Variants in SLC27A1 observed in about 807,000 individuals in gnomAD.
SLC27A1 encodes solute carrier family 27 member 1.
A neutral mutation model predicts 62.2 loss-of-function variants in SLC27A1; 61 were observed. The observed-to-expected ratio is 0.98, with a 90% CI of 0.80 to 1.21. The LOEUF is 1.21. Among genes scored for constraint, SLC27A1 ranks in the 50% most tolerant of loss-of-function variants. The pLI, the probability that SLC27A1 is intolerant of heterozygous loss-of-function variation, is 0.00. For synonymous variants in SLC27A1, 435 were observed against 408.6 expected (o/e 1.06, Z -0.78); for missense variants, 903 against 932.1 (o/e 0.97, Z 0.41).
In SLC27A1 at chr19:17,504,634, A is replaced by C. The variant is rs781162579; in HGVS notation, c.*22A>C. The C allele has an allele frequency of 6.2e-7, 1 of 1,613,816 alleles. No individual in the cohort carries two copies. Among genetic ancestry groups the C allele is most frequent in the East Asian group, 2.2e-5 (1 of 44,874 alleles). On this transcript the variant is annotated 3_prime_UTR_variant, in exon 12 of 12. Coordinates refer to ENST00000252595, the MANE Select transcript of SLC27A1 (RefSeq NM_198580.3). ...CTGAAGCTGTTCCTCTACTGGCCACAAACTCTGGGCCTGGTGGGAGAGGCC... is the reference window on the plus strand; with the variant it reads ...CTGAAGCTGTTCCTCTACTGGCCACCAACTCTGGGCCTGGTGGGAGAGGCC...
chr19:17,506,115 G>A lies in SLC27A1; in HGVS notation c.*1503G>A, dbSNP rs1452647490. On this transcript the variant is annotated 3_prime_UTR_variant, in exon 12 of 12. Coordinates refer to ENST00000252595, the MANE Select transcript of SLC27A1 (RefSeq NM_198580.3). ...CGTGGCGTCTCATGTGAACTTTCCT[G>A]GGCACTGTGGTTTTATTTCCTAATT... 6.6e-6 allele frequency: 1 copy of A among 152,180 alleles called. No individual in the cohort carries two copies. The highest frequency in any genetic ancestry group is 1.5e-5 in the Non-Finnish European group (1 of 68,038). The allele number at this position is 152,180 out of a possible 1,614,324, so 9.4% of individuals were successfully genotyped here.
chr19:17,497,597 G>A (rs1336933445), intron 7 of SLC27A1, 133 bp downstream of exon 7: 3 of 781,070 alleles, frequency 3.8e-6, no homozygotes, highest in African/African-American at 1.7e-5. Flanking sequence ...CACGCAGGGC[G>A]GGGTGTAAGG....
rs551376748 is a variant in SLC27A1, at chr19:17,501,511, T to C, written c.1783+92T>C. The C allele has an allele frequency of 2.4e-5, 36 of 1,511,778 alleles. No individual in the cohort carries two copies. The Admixed American group carries it at 3.2e-4, about 14-fold the overall frequency. 93.6% of individuals were successfully genotyped at this position (1,511,778 alleles called of 1,614,324 possible). ...TCCATTTTGTGTTGCTCTAAAAGAA[T>C]ACCTGGCCGGGGCCAGGCACGGTGG... On this transcript the variant is annotated intron_variant, in intron 11 of 11. Coordinates refer to ENST00000252595, the MANE Select transcript of SLC27A1 (RefSeq NM_198580.3).
Position 17,488,357 on chromosome 19 carries a change from C to CA in SLC27A1, c.795-484dup, listed in dbSNP as rs201351859. The stretch of plus-strand genomic sequence containing the variant: ...TGGATGATACAGCAAGACTCCCTCT[C>CA]AAAAAAAGAAACAAATAACAAACAA... On this transcript the variant is annotated intron_variant, in intron 4 of 11. Coordinates refer to ENST00000252595, the MANE Select transcript of SLC27A1 (RefSeq NM_198580.3). Among the ~76,000 whole-genome samples, 1,004 of 152,230 alleles carry CA rather than the reference C, an allele frequency of 6.6e-3. 13 individuals carry two copies. The highest frequency in any genetic ancestry group is 0.023 in the African/African-American group (954 of 41,542).
In SLC27A1 at chr19:17,486,769, T is replaced by G; in HGVS notation, c.374T>G (p.Phe125Cys). The G allele has an allele frequency of 1.2e-6, 2 of 1,606,798 alleles. No homozygotes were observed. Among genetic ancestry groups the G allele is most frequent in the Non-Finnish European group, 1.7e-6 (2 of 1,176,744 alleles). The change falls in exon 2 of 12, where the codon TTC becomes TGC. Residue 125 changes from phenylalanine (F) to cysteine (C), a missense_variant. Coordinates refer to ENST00000252595, the MANE Select transcript of SLC27A1 (RefSeq NM_198580.3). This position sits in a 1 kb window ranked among gnomAD's most constrained non-coding sequence, Gnocchi z 6.6. ...AVANLFRQLG[F>C]APGDVVAIFL... The stretch of plus-strand genomic sequence containing the variant: ...GCCAACCTCTTCCGCCAGCTGGGCT[T>G]CGCGCCGGGCGACGTGGTGGCCATC...
chr19:17,477,342 G>A (rs1427758208), intron 1 of SLC27A1, among the ~76,000 whole-genome samples: 1 of 139,014 alleles, frequency 7.2e-6, no homozygotes, highest in Non-Finnish European at 1.5e-5. Context: ...CACCTCATGG[G>A]TTCATTCTCC....
Position 17,486,617 on chromosome 19 carries a change from C to A in SLC27A1, c.222C>A (p.Ala74=), listed in dbSNP as rs1239916407. The A allele has an allele frequency of 6.3e-7, 1 of 1,597,026 alleles. No individual in the cohort carries two copies. The highest frequency in any genetic ancestry group is 8.5e-7 in the Non-Finnish European group (1 of 1,177,530). The change falls in exon 2 of 12, where the codon GCC becomes GCA. Residue 74 remains alanine (A), a synonymous_variant. Coordinates refer to ENST00000252595, the MANE Select transcript of SLC27A1 (RefSeq NM_198580.3). The surrounding 1 kb of genome is among the most constrained non-coding windows in gnomAD (Gnocchi z 6.6). ...TGGAGCTGCGGCGGCACCAGCGTGCCGGCCACACCATCCCGCGCATCTTTC... is the reference window on the plus strand; with the variant it reads ...TGGAGCTGCGGCGGCACCAGCGTGCAGGCCACACCATCCCGCGCATCTTTC... ...VRLELRRHQR[A]GHTIPRIFQA...
Position 17,504,748 on chromosome 19 carries a change from G to C in SLC27A1, c.*136G>C. 8.5e-7 allele frequency: 1 copy of C among 1,173,686 alleles called. No homozygotes were observed. The highest frequency in any genetic ancestry group is 1.2e-6 in the Non-Finnish European group (1 of 812,954). 72.7% of individuals were successfully genotyped at this position (1,173,686 alleles called of 1,614,324 possible). The stretch of plus-strand genomic sequence containing the variant: ...TACCTGGCACGGCCCATCCTGGACT[G>C]AGAAACTGGAACCTCAGAGGAACCC... On this transcript the variant is annotated 3_prime_UTR_variant, in exon 12 of 12. Transcript: ENST00000252595.
intron 1 of SLC27A1, among the ~76,000 whole-genome samples, chr19:17,479,443 C>T (rs1401892897): frequency 6.6e-6 from 1 of 152,140 alleles, no homozygotes; most frequent in African/African-American, 2.4e-5. Context: ...TGCAGGCTGC[C>T]CAGTTTTCTG....
At chr19:17,470,365 A>G (rs1656340066), upstream of SLC27A1, 1 of 738,984 alleles carries the variant, frequency 1.4e-6, no homozygotes, top group Non-Finnish European at 2.0e-6. Flanking sequence ...GGAGTTGACC[A>G]ATCCCAGGCC....
chr19:17,479,059 C>T (rs756791736), intron 1 of SLC27A1, among the ~76,000 whole-genome samples: 6 of 151,730 alleles, frequency 4.0e-5, no homozygotes, highest in Non-Finnish European at 5.9e-5. Context: ...ATGGTGCCAC[C>T]GCACTCCAGA....
chr19:17,470,535 C>A lies in SLC27A1; in HGVS notation c.-6C>A. 4 of 1,547,624 alleles carry A rather than the reference C, an allele frequency of 2.6e-6. No homozygotes were observed. Among genetic ancestry groups the A allele is most frequent in the Non-Finnish European group, 3.5e-6 (4 of 1,156,404 alleles). On this transcript the variant is annotated 5_prime_UTR_variant, in exon 1 of 12. Transcript: ENST00000252595. Reference sequence around the variant, plus strand: ...CCGCGGCCTCAGCTCTCTCTGCTTCCCCAGGATGCGGGCTCCGGGTGCGGG... The same window carrying A: ...CCGCGGCCTCAGCTCTCTCTGCTTCACCAGGATGCGGGCTCCGGGTGCGGG...
rs369311890 is a variant in SLC27A1, at chr19:17,501,424, G to C, written c.1783+5G>C. 6.2e-7 allele frequency: 1 copy of C among 1,610,966 alleles called. No individual in the cohort carries two copies. The highest frequency in any genetic ancestry group is 8.5e-7 in the Non-Finnish European group (1 of 1,178,936). ...TGCCCCAGGTGGACACCACAGGTGC[G>C]AGTCTCCCCCACTCCAATCTCTCTC... On this transcript the variant is annotated splice_donor_5th_base_variant and intron_variant, in intron 11 of 11. Transcript: ENST00000252595.
intron 1 of SLC27A1, among the ~76,000 whole-genome samples, chr19:17,485,300 C>T (rs1324948074): frequency 6.8e-6 from 1 of 147,482 alleles, no homozygotes; most frequent in Non-Finnish European, 1.5e-5. Context: ...AGCAATTCTC[C>T]TGCCTCAGCC....
chr19:17,478,375 G>A (rs1305474578), intron 1 of SLC27A1, among the ~76,000 whole-genome samples: 1 of 143,048 alleles, frequency 7.0e-6, no homozygotes, highest in Non-Finnish European at 1.5e-5. Flanking sequence ...GCTGAGGCAG[G>A]AAAATCGCTT....
At chr19:17,494,773 G>A (rs1371581331) in intron 6 of SLC27A1, among the ~76,000 whole-genome samples, 2 of 140,516 alleles carry the variant, frequency 1.4e-5, no homozygotes, top group Non-Finnish European at 3.1e-5. Context: ...TAGAAGGGAA[G>A]TTCTACCGAG....
Position 17,470,674 on chromosome 19 carries a change from G to T in SLC27A1, c.134G>T (p.Arg45Leu). ...YVGSGGWRFLRIVCKTARRDL... is the reference protein window; with the variant it reads ...YVGSGGWRFLLIVCKTARRDL... ...GGCAGCGGCGGCTGGCGCTTCCTGC[G>T]CATCGTCTGCAAGACCGCGAGGCGA... Residue 45 changes from arginine to leucine, a missense_variant, in exon 1 of 12, where the codon CGC (arginine) becomes CTC (leucine). Arg to Leu is a moderately radical substitution (Grantham distance 102, BLOSUM62 -2). Coordinates refer to ENST00000252595, the MANE Select transcript of SLC27A1 (RefSeq NM_198580.3). 1 of 1,580,410 alleles carries T rather than the reference G, an allele frequency of 6.3e-7. No homozygotes were observed. The highest frequency in any genetic ancestry group is 8.5e-7 in the Non-Finnish European group (1 of 1,169,798).
At chr19:17,495,692 C>T (rs903830054) in intron 6 of SLC27A1, 3 of 152,236 alleles carry the variant, frequency 2.0e-5, no homozygotes, top group African/African-American at 7.2e-5. Context: ...TGGCCCAAGT[C>T]TGAGAATGGA....
At chr19:17,497,017 C>G (rs940023055) in intron 6 of SLC27A1, 1 of 463,278 alleles carries the variant, frequency 2.2e-6, no homozygotes, top group African/African-American at 2.1e-5. Flanking sequence ...AGGGAGACCC[C>G]CAACCAAAAA....
Sources: gnomAD v4.1 joint callset for allele counts (sites outside exome capture counted in the v4.1 genomes callset) on GRCh38, gnomAD v4.1.1 for gene constraint, Gnocchi (gnomAD v3.1) non-coding constraint, MANE v1.5 for transcripts, NCBI Gene and HGNC (gene_info 2026-07-23, HGNC 2026-07-21) for gene names.